PALM2AKAP2: variants seen among roughly 807,000 people sequenced by gnomAD.
PALM2AKAP2 encodes the protein PALM2-AKAP2 fusion protein.
PALM2AKAP2 carries 37 observed loss-of-function variants against 71.5 expected under a neutral mutation model. That is an observed-to-expected ratio of 0.52 (90% confidence interval 0.40 to 0.68). PALM2AKAP2 has a LOEUF of 0.68. Ranked by LOEUF, PALM2AKAP2 falls within the 30% of genes least tolerant of loss-of-function variation. The pLI is 0.00. For missense variants in PALM2AKAP2, 1,224 were observed against 1,191.8 expected, an observed-to-expected ratio of 1.03 and a Z score of -0.40; for synonymous variants, 468 against 478.8, an observed-to-expected ratio of 0.98 and a Z score of 0.29.
chr9:109,738,170 A>G (rs1322265), intron 1 of PALM2AKAP2, among the ~76,000 whole-genome samples: 6,491 of 152,256 alleles, frequency 0.043, 189 homozygotes, highest in Non-Finnish European at 0.053. Flanking sequence ...CCCTCACAGT[A>G]TATCTGGGAG....
intron 1 of PALM2AKAP2, among the ~76,000 whole-genome samples, chr9:109,809,178 C>T (rs886149745): frequency 3.3e-5 from 5 of 152,192 alleles, no homozygotes; most frequent in Admixed American, 6.5e-5. Flanking sequence ...CCATTGCTCT[C>T]CAGACTCCAG....
intron 1 of PALM2AKAP2, among the ~76,000 whole-genome samples, chr9:109,724,796 G>GA (rs1417289594): frequency 6.6e-6 from 1 of 152,068 alleles, no homozygotes; most frequent in Non-Finnish European, 1.5e-5. Context: ...TGACTCAAAA[G>GA]CCTTCATTTT....
At position 109,916,536 on chromosome 9, in the gene PALM2AKAP2, TGAGTGACAG is replaced by T. The variant is rs1830696953; in HGVS notation, c.258-7195_258-7187del. Among the ~76,000 whole-genome samples, 4 of 152,370 alleles carry T rather than the reference TGAGTGACAG, an allele frequency of 2.6e-5. No homozygotes were observed. The South Asian group carries it at 8.3e-4, about 32-fold the overall frequency. ...AAGGCCACACAAGGCCACATGCTCC[TGAGTGACAG>T]GAGGGACATGTGATATGCTGGGCCT... is the stretch of plus-strand genomic sequence containing the variant. On this transcript the variant is annotated intron_variant, in intron 3 of 9. Transcript: ENST00000302798.
chr9:110,096,523 T>A (rs772479835), intron 1 of PALM2AKAP2, among the ~76,000 whole-genome samples: 1 of 152,152 alleles, frequency 6.6e-6, no homozygotes, highest in African/African-American at 2.4e-5. Context: ...CACCTCAGCC[T>A]CCCAAAATGT....
At chr9:109,825,656 A>G (rs550451354) in intron 1 of PALM2AKAP2, among the ~76,000 whole-genome samples, 117 of 152,338 alleles carry the variant, frequency 7.7e-4, no homozygotes, top group South Asian at 1.7e-3. Flanking sequence ...AATCAAAACC[A>G]CAATGAGATA....
chr9:110,168,929 G>A (rs1438606212), exon 4 of PALM2AKAP2: 1 of 153,956 alleles, frequency 6.5e-6, no homozygotes, highest in Non-Finnish European at 1.4e-5. Context: ...CCCTGCACCA[G>A]TTTCCCACCT....
chr9:109,692,752 A>C (rs1268994274), intron 1 of PALM2AKAP2, among the ~76,000 whole-genome samples: 1 of 152,060 alleles, frequency 6.6e-6, no homozygotes, highest in African/African-American at 2.4e-5. Flanking sequence ...ATTAATTTGA[A>C]AATGTTAAAT....
At chr9:109,836,420 A>T (rs1828478340) in intron 1 of PALM2AKAP2, among the ~76,000 whole-genome samples, 1 of 152,232 alleles carries the variant, frequency 6.6e-6, no homozygotes, top group African/African-American at 2.4e-5. Context: ...AAAACCACAA[A>T]GATGGGGAAA....
intron 1 of PALM2AKAP2, among the ~76,000 whole-genome samples, chr9:110,091,668 T>C (rs769469142): frequency 2.6e-5 from 4 of 152,096 alleles, no homozygotes; most frequent in Admixed American, 1.3e-4. Context: ...TTCACCGTGT[T>C]AGCCAGGATG....
At chr9:109,945,668 A>G (rs1346865957) in intron 6 of PALM2AKAP2, 1 of 152,250 alleles carries the variant, frequency 6.6e-6, no homozygotes, top group Non-Finnish European at 1.5e-5. Context: ...GATTCAAGCT[A>G]TTCAATGTGA....
intron 1 of PALM2AKAP2, among the ~76,000 whole-genome samples, chr9:109,686,654 T>G (rs536841309): frequency 6.6e-6 from 1 of 152,294 alleles, no homozygotes; most frequent in South Asian, 2.1e-4. Flanking sequence ...TTACTTTTAT[T>G]TTTTAGAGCA....
intron 1 of PALM2AKAP2, among the ~76,000 whole-genome samples, chr9:109,860,367 G>T (rs1039216015): frequency 7.2e-5 from 11 of 152,222 alleles, no homozygotes; most frequent in Admixed American, 3.3e-4. Context: ...GAAAAAGCTT[G>T]TTGGGTCCCC....
intron 1 of PALM2AKAP2, among the ~76,000 whole-genome samples, chr9:110,081,003 C>A (rs1265870623): frequency 6.6e-6 from 1 of 152,078 alleles, no homozygotes; most frequent in African/African-American, 2.4e-5. Flanking sequence ...TATTTTTGAG[C>A]TTCTCAGAGG....
At chr9:109,796,870 G>C (rs13288166) in intron 1 of PALM2AKAP2, among the ~76,000 whole-genome samples, 27,215 of 152,124 alleles carry the variant, frequency 0.18, 2,841 homozygotes, top group East Asian at 0.34. Flanking sequence ...AAGATGAGAT[G>C]TGGGTGGGGA....
At chr9:110,084,340 A>G (rs558600154) in intron 1 of PALM2AKAP2, among the ~76,000 whole-genome samples, 7 of 152,248 alleles carry the variant, frequency 4.6e-5, no homozygotes, top group South Asian at 2.1e-4. Flanking sequence ...GAGTACCCTC[A>G]TATGGTGAGG....
chr9:109,739,508 A>G (rs1044041508), intron 1 of PALM2AKAP2, among the ~76,000 whole-genome samples: 1 of 152,186 alleles, frequency 6.6e-6, no homozygotes, highest in Non-Finnish European at 1.5e-5. Context: ...TTAGAAAGGG[A>G]TCTTAGAGGT....
intron 1 of PALM2AKAP2, among the ~76,000 whole-genome samples, chr9:110,107,737 T>C (rs1835151544): frequency 6.6e-6 from 1 of 152,122 alleles, no homozygotes; most frequent in Admixed American, 6.5e-5. Flanking sequence ...CAGCTAATTT[T>C]TGTATTTTTA....
At chr9:109,798,242 T>C (rs751246484) in intron 1 of PALM2AKAP2, among the ~76,000 whole-genome samples, 6 of 152,240 alleles carry the variant, frequency 3.9e-5, no homozygotes, top group African/African-American at 1.4e-4. Flanking sequence ...TGATGACTTC[T>C]GAAAGGACCC....
chr9:110,157,107 AG>A (rs1428407221), intron 3 of PALM2AKAP2, among the ~76,000 whole-genome samples: 12 of 152,340 alleles, frequency 7.9e-5, no homozygotes, highest in African/African-American at 2.9e-4. Flanking sequence ...TTAACTGTGA[AG>A]GAAGTCACAT....
Sources: allele counts gnomAD v4.1 joint callset (sites outside exome capture counted in the v4.1 genomes callset), GRCh38; gene constraint gnomAD v4.1.1; transcripts MANE v1.5; gene names NCBI Gene and HGNC (gene_info 2026-07-23, HGNC 2026-07-21).